The following TOP3A variants were observed in gnomAD, a reference collection of about 807,000 sequenced individuals.
TOP3A encodes the protein DNA topoisomerase 3-alpha.
A neutral mutation model predicts 111.3 loss-of-function variants in TOP3A; 64 were observed. That is an observed-to-expected ratio of 0.57 (90% CI 0.47 to 0.71). TOP3A has a LOEUF of 0.71. Among genes scored for constraint, TOP3A ranks in the 30% least tolerant of loss-of-function variants. The pLI is 0.00. For missense variants in TOP3A, 1,104 were observed against 1,285.0 expected (o/e 0.86, Z 2.15); for synonymous variants, 484 against 485.1 (o/e 1.00, Z 0.03).
At chr17:18,313,761 A>G (rs1334549650) in intron 1 of TOP3A, among the ~76,000 whole-genome samples, 1 of 152,012 alleles carries the variant, frequency 6.6e-6, no homozygotes, top group Non-Finnish European at 1.5e-5. Flanking sequence ...CATTCACACA[A>G]CCCTGGCTCC....
Position 18,271,655 on chromosome 17 carries a change from T to G in TOP3A, c.*3147A>C, listed in dbSNP as rs988205126. 6.2e-6 allele frequency: 2 copies of G among 322,098 alleles called. No individual in the cohort carries two copies. Among genetic ancestry groups the G allele is most frequent in the Non-Finnish European group, 1.2e-5 (2 of 166,974 alleles). 20.0% of individuals were successfully genotyped at this position (322,098 alleles called of 1,614,324 possible). A position where few individuals can be genotyped will look rare whatever the true frequency, so the allele number is the denominator to read the frequency against. On this transcript the variant is annotated 3_prime_UTR_variant, in exon 19 of 19. Transcript: ENST00000321105. ...GGTGCAGCCCAATCCTGCAGTTTGC[T>G]TTTGAGACACACAGTTGCCTGCAGA...
chr17:18,288,325 G>A (rs1423097731), intron 13 of TOP3A, among the ~76,000 whole-genome samples: 3 of 151,320 alleles, frequency 2.0e-5, no homozygotes, highest in African/African-American at 7.3e-5. Flanking sequence ...GCAATTTTTT[G>A]TATTTTTAGT....
At position 18,308,331 on chromosome 17, in the gene TOP3A, C is replaced by T. The variant is rs1981712578; in HGVS notation, c.314+20G>A. 5 of 1,508,034 alleles carry T rather than the reference C, an allele frequency of 3.3e-6. No individual in the cohort carries two copies. In the East Asian group the frequency reaches 1.2e-4, roughly 36 times the overall value. The allele number at this position is 1,508,034 out of a possible 1,614,324, so 93.4% of individuals were successfully genotyped here. On this transcript the variant is annotated intron_variant, in intron 3 of 18. Transcript: ENST00000321105. ...AACTTACTATAATCTGAAAGTCCTT[C>T]CCTTGAGAATTGTACTGACCATTTT...
Position 18,281,349 on chromosome 17 carries a change from G to T in TOP3A, c.2022-691C>A, listed in dbSNP as rs181929236. Among the ~76,000 whole-genome samples, 67 of 152,200 alleles carry T rather than the reference G, an allele frequency of 4.4e-4. No individual in the cohort carries two copies. The East Asian group carries it at 0.01, about 23-fold the overall frequency. On this transcript the variant is annotated intron_variant, in intron 16 of 18. Coordinates refer to ENST00000321105, the MANE Select transcript of TOP3A (RefSeq NM_004618.5). ...GAAATTAACAGATAAATCATGGAGTGGCAAATCCCACAAGATAATCTCCTG... is the reference window on the plus strand; with the variant it reads ...GAAATTAACAGATAAATCATGGAGTTGCAAATCCCACAAGATAATCTCCTG...
At chr17:18,312,580 C>T (rs1013389995) in intron 1 of TOP3A, 1 of 179,064 alleles carries the variant, frequency 5.6e-6, no homozygotes, top group African/African-American at 2.3e-5. Flanking sequence ...GAGGCAATGC[C>T]CTGGGTCCAA....
chr17:18,305,176 G>T lies in TOP3A; in HGVS notation c.435C>A (p.Ile145=). ...RETRQCQALV[I]WTDCDREGEN... ...CGCCTTCTCTATCACAGTCAGTCCAGATCACCAGAGCCTGGCACTGGCGAG... is the reference window on the plus strand; with the variant it reads ...CGCCTTCTCTATCACAGTCAGTCCATATCACCAGAGCCTGGCACTGGCGAG... Residue 145 remains isoleucine (I), a synonymous_variant, in exon 5 of 19, where the codon ATC becomes ATA. Transcript: ENST00000321105. The T allele has an allele frequency of 6.2e-7, 1 of 1,614,186 alleles. No homozygotes were observed. Among genetic ancestry groups the T allele is most frequent in the Non-Finnish European group, 8.5e-7 (1 of 1,180,038 alleles).
intron 1 of TOP3A, among the ~76,000 whole-genome samples, chr17:18,309,778 C>T (rs1327559605): frequency 1.4e-5 from 2 of 141,706 alleles, no homozygotes; most frequent in East Asian, 2.2e-4. Flanking sequence ...GGCGTGATCT[C>T]GGCTCACTGC....
chr17:18,288,131 T>TTATA (rs142429216), intron 13 of TOP3A, among the ~76,000 whole-genome samples: 14,448 of 122,630 alleles, frequency 0.12, 1,198 homozygotes, highest in African/African-American at 0.19. Context: ...CTGTTAATAA[T>TTATA]TATATATATA....
At position 18,274,752 on chromosome 17, in the gene TOP3A, C is replaced by G. The variant is rs1386022161; in HGVS notation, c.*50G>C. 1.9e-6 allele frequency: 3 copies of G among 1,571,424 alleles called. No individual in the cohort carries two copies. The South Asian group carries it at 3.5e-5, about 18-fold the overall frequency. The stretch of plus-strand genomic sequence containing the variant: ...TGGTCCTGGTTAACTCATTTCTAAA[C>G]ACAAAGGGGACAGGTCTGAGAAAGT... On this transcript the variant is annotated 3_prime_UTR_variant, in exon 19 of 19. Transcript: ENST00000321105.
At chr17:18,292,577 A>T (rs1161795639) in intron 11 of TOP3A, 68 bp downstream of exon 11, 41 of 1,335,360 alleles carry the variant, frequency 3.1e-5, no homozygotes, top group Non-Finnish European at 4.1e-5. Flanking sequence ...GAGTAAATTC[A>T]AACCTTACTA....
chr17:18,293,919 C>T (rs1461889340), intron 10 of TOP3A, among the ~76,000 whole-genome samples: 1 of 152,230 alleles, frequency 6.6e-6, no homozygotes, highest in Non-Finnish European at 1.5e-5. Context: ...CAATTAGTCA[C>T]TTAAGTTACT....
intron 9 of TOP3A, among the ~76,000 whole-genome samples, chr17:18,295,266 C>T (rs1321821925): frequency 6.6e-6 from 1 of 152,194 alleles, no homozygotes; most frequent in Non-Finnish European, 1.5e-5. Context: ...GATTCTCCTG[C>T]TTCAGCCTCC....
intron 16 of TOP3A, among the ~76,000 whole-genome samples, chr17:18,281,445 T>C (rs1295643559): frequency 6.6e-6 from 1 of 152,062 alleles, no homozygotes; most frequent in Non-Finnish European, 1.5e-5. Flanking sequence ...TAAAGAATAA[T>C]AATAATTCTC....
rs768315045 is a variant in TOP3A, at chr17:18,278,282, G to A, written c.2220C>T (p.Cys740=). The A allele has an allele frequency of 1.4e-5, 22 of 1,529,476 alleles. No homozygotes were observed. The East Asian group carries it at 3.6e-4, about 25-fold the overall frequency. The allele number at this position is 1,529,476 out of a possible 1,614,324, so 94.7% of individuals were successfully genotyped here. ...CCAGGATCTCCCTCAGGGTGTCGTCGCATCCGCCGATGCAGCAAACAAACT... is the reference window on the plus strand; with the variant it reads ...CCAGGATCTCCCTCAGGGTGTCGTCACATCCGCCGATGCAGCAAACAAACT... ...PLEFVCCIGG[C]DDTLREILDL... is the part of the protein sequence containing the mutation. The change falls in exon 18 of 19, where the codon TGC becomes TGT. Residue 740 remains cysteine (C), a synonymous_variant. Coordinates refer to ENST00000321105, the MANE Select transcript of TOP3A (RefSeq NM_004618.5).
intron 5 of TOP3A, 138 bp downstream of exon 5, chr17:18,304,974 T>C (rs1981463344): frequency 4.1e-5 from 30 of 731,252 alleles, no homozygotes; most frequent in South Asian, 4.0e-4. Flanking sequence ...CCAGGACACA[T>C]GGCTGGTGGG....
In TOP3A at chr17:18,290,860, A is replaced by AT. The variant is rs772204679; in HGVS notation, c.1448dup (p.Tyr483Ter). The AT allele has an allele frequency of 9.3e-6, 15 of 1,614,220 alleles. No homozygotes were observed. Among genetic ancestry groups the AT allele is most frequent in the Non-Finnish European group, 1.3e-5 (15 of 1,180,036 alleles). ...TTATTACCTTGTCACTCCAGTGATC[A>AT]TATGGATACACATCCAGATAGTTTC... ...LARNYLDVYPYDHWSDKILPV... is the reference protein window; with the variant it reads ...LARNYLDVYP The change falls in exon 12 of 19, where the codon TAT (tyrosine) becomes TAAT (stop). Residue 483 changes from tyrosine (Y) to a stop codon, truncating the protein, a stop_gained and frameshift_variant. Coordinates refer to ENST00000321105, the MANE Select transcript of TOP3A (RefSeq NM_004618.5). LOFTEE classifies it high-confidence loss of function.
chr17:18,297,163 C>T (rs1980861981), intron 9 of TOP3A, among the ~76,000 whole-genome samples: 2 of 152,190 alleles, frequency 1.3e-5, no homozygotes, highest in South Asian at 2.1e-4. Flanking sequence ...CGGTGGCTCA[C>T]GCCTCTAATC....
At chr17:18,305,481 C>CATACACACAT (rs764908121) in intron 4 of TOP3A, among the ~76,000 whole-genome samples, 1 of 148,866 alleles carries the variant, frequency 6.7e-6, no homozygotes, top group Non-Finnish European at 1.5e-5. Flanking sequence ...CTCTAACACA[C>CATACACACAT]ACACACGCGC....
intron 15 of TOP3A, 71 bp downstream of exon 15, chr17:18,285,071 T>C (rs878911966): frequency 6.4e-7 from 1 of 1,560,756 alleles, no homozygotes; most frequent in Non-Finnish European, 8.7e-7. Context: ...GGAAGATCTC[T>C]TGAGGCCAGG....
Sources: gnomAD v4.1 joint callset for allele counts (sites outside exome capture counted in the v4.1 genomes callset) on GRCh38, gnomAD v4.1.1 for gene constraint, MANE v1.5 for transcripts, NCBI Gene and HGNC (gene_info 2026-07-23, HGNC 2026-07-21) for gene names.